The following MACROD2 variants were observed in gnomAD, a reference collection of about 807,000 sequenced individuals.
MACROD2 encodes the protein ADP-ribose glycohydrolase MACROD2.
Under a neutral mutation model 70.4 loss-of-function variants are expected in MACROD2, and 36 were observed. That is an observed-to-expected ratio of 0.51 (90% CI 0.39 to 0.68). The LOEUF is 0.68. MACROD2 is among the 30% of genes least tolerant of loss of function. The pLI, the probability that MACROD2 is intolerant of heterozygous loss-of-function variation, is 0.00. For synonymous variants in MACROD2, 172 were observed against 178.8 expected (o/e 0.96, Z 0.30); for missense variants, 496 against 538.4 (o/e 0.92, Z 0.78).
intron 5 of MACROD2, among the ~76,000 whole-genome samples, chr20:15,144,030 A>G (rs1298044828): frequency 6.6e-6 from 1 of 151,914 alleles, no homozygotes; most frequent in East Asian, 1.9e-4. Context: ...ATTAAAAGCC[A>G]TCCTGGGCCT....
chr20:15,937,484 A>G lies in MACROD2; in HGVS notation c.847A>G (p.Asn283Asp), dbSNP rs769023107. Reference sequence around the variant, plus strand: ...TCTTTTCTGCTTTATAGATGGTGTCAACACTGTCACTGTGCCCGGCCCTGC... The same window carrying G: ...TCTTTTCTGCTTTATAGATGGTGTCGACACTGTCACTGTGCCCGGCCCTGC... ...EEQSQDADGVNTVTVPGPASE... is the reference protein window; with the variant it reads ...EEQSQDADGVDTVTVPGPASE... Residue 283 changes from asparagine to aspartate, a missense_variant, in exon 12 of 18, where the codon AAC becomes GAC. Asn to Asp is a conservative substitution (Grantham distance 23, BLOSUM62 1). Transcript: ENST00000684519. 6.2e-6 allele frequency: 10 copies of G among 1,613,248 alleles called. No individual in the cohort carries two copies. The highest frequency in any genetic ancestry group is 7.6e-6 in the Non-Finnish European group (9 of 1,179,498).
chr20:15,248,758 A>G (rs1193954013), intron 6 of MACROD2, among the ~76,000 whole-genome samples: 2 of 152,082 alleles, frequency 1.3e-5, no homozygotes, highest in African/African-American at 4.8e-5. Flanking sequence ...GAAATCCAGG[A>G]GCTGTTCTAG....
intron 3 of MACROD2, among the ~76,000 whole-genome samples, chr20:14,486,521 TTTA>T (rs1365476533): frequency 7.1e-6 from 1 of 141,756 alleles, no homozygotes; most frequent in African/African-American, 2.6e-5. Flanking sequence ...AACTTTTTAT[TTTA>T]TTTTTTTTTT....
intron 3 of MACROD2, among the ~76,000 whole-genome samples, chr20:14,348,774 A>G (rs1014416346): frequency 1.3e-5 from 2 of 152,206 alleles, no homozygotes; most frequent in African/African-American, 4.8e-5. Context: ...TAAGAAATGA[A>G]CTGACCACTA....
At chr20:14,950,600 G>A (rs190267732) in intron 5 of MACROD2, among the ~76,000 whole-genome samples, 71 of 152,238 alleles carry the variant, frequency 4.7e-4, no homozygotes, top group African/African-American at 1.5e-3. Flanking sequence ...TGTTAGGTTT[G>A]TTGCTTCAGA....
chr20:14,036,147 A>G (rs1487656324), intron 2 of MACROD2, among the ~76,000 whole-genome samples: 2 of 152,200 alleles, frequency 1.3e-5, no homozygotes, highest in Non-Finnish European at 2.9e-5. Context: ...GTCTCAAAAA[A>G]AAAAAAAAGC....
At chr20:14,999,612 G>A (rs895396376) in intron 5 of MACROD2, among the ~76,000 whole-genome samples, 1 of 152,186 alleles carries the variant, frequency 6.6e-6, no homozygotes, top group African/African-American at 2.4e-5. Flanking sequence ...CCCAACCTGG[G>A]TGGCAGACCA....
chr20:15,010,185 C>A (rs545495639), intron 5 of MACROD2, among the ~76,000 whole-genome samples: 4 of 152,228 alleles, frequency 2.6e-5, no homozygotes, highest in Non-Finnish European at 4.4e-5. Context: ...AATTATTTGT[C>A]GGACTAAATA....
intron 9 of MACROD2, among the ~76,000 whole-genome samples, chr20:15,869,232 T>TAGAGAGAGAG (rs1282844011): frequency 2.4e-4 from 8 of 33,106 alleles, no homozygotes; most frequent in South Asian, 3.4e-3. Context: ...TATATATATA[T>TAGAGAGAGAG]ATATATAGAG....
chr20:15,361,665 A>T (rs2078353278), intron 6 of MACROD2, among the ~76,000 whole-genome samples: 1 of 152,158 alleles, frequency 6.6e-6, no homozygotes, highest in African/African-American at 2.4e-5. Context: ...TATCCTTATT[A>T]TGTCGATTCT....
intron 3 of MACROD2, among the ~76,000 whole-genome samples, chr20:14,214,447 T>G (rs988886532): frequency 5.9e-5 from 9 of 152,168 alleles, no homozygotes; most frequent in South Asian, 2.1e-4. Flanking sequence ...TTGTTATGTA[T>G]TGAACACAAT....
At chr20:14,736,344 C>T (rs2071664436) in intron 5 of MACROD2, among the ~76,000 whole-genome samples, 1 of 151,998 alleles carries the variant, frequency 6.6e-6, no homozygotes, top group Non-Finnish European at 1.5e-5. Flanking sequence ...GGAGTGATTG[C>T]TTAATGGGTA....
chr20:14,432,518 G>A (rs2084006147), intron 3 of MACROD2, among the ~76,000 whole-genome samples: 1 of 151,866 alleles, frequency 6.6e-6, no homozygotes, highest in Non-Finnish European at 1.5e-5. Flanking sequence ...GATAGTACGT[G>A]AGGGCTAACT....
At chr20:14,587,233 T>C (rs938657866) in intron 4 of MACROD2, among the ~76,000 whole-genome samples, 6 of 151,910 alleles carry the variant, frequency 3.9e-5, no homozygotes, top group African/African-American at 1.4e-4. Flanking sequence ...TATATAGAAA[T>C]ATCATTAAAT....
intron 3 of MACROD2, among the ~76,000 whole-genome samples, chr20:14,439,172 T>A (rs1271212893): frequency 6.6e-6 from 1 of 152,200 alleles, no homozygotes; most frequent in Non-Finnish European, 1.5e-5. Flanking sequence ...TTTTCCTCTT[T>A]GCGTCCAGTT....
intron 3 of MACROD2, among the ~76,000 whole-genome samples, chr20:14,448,057 G>A (rs41328645): frequency 0.15 from 23,285 of 150,900 alleles, 2,557 homozygotes; most frequent in Non-Finnish European, 0.22. Context: ...AAACATCTGC[G>A]AGGCCAAGAG....
chr20:15,346,974 T>C (rs1283462174), intron 6 of MACROD2, among the ~76,000 whole-genome samples: 1 of 152,148 alleles, frequency 6.6e-6, no homozygotes, highest in Non-Finnish European at 1.5e-5. Context: ...GGTCAGGTGC[T>C]AGAGAGAAAA....
intron 3 of MACROD2, among the ~76,000 whole-genome samples, chr20:14,290,476 G>A (rs146698065): frequency 6.6e-6 from 1 of 151,328 alleles, no homozygotes; most frequent in East Asian, 1.9e-4. Context: ...CAAAAGGGAT[G>A]GAATCTCAGG....
chr20:15,725,042 A>G (rs1357274564), intron 8 of MACROD2, among the ~76,000 whole-genome samples: 2 of 152,062 alleles, frequency 1.3e-5, no homozygotes, highest in Non-Finnish European at 2.9e-5. Flanking sequence ...AGATCACGCC[A>G]CTCCACTCCA....
Sources: gnomAD v4.1 joint callset for allele counts (sites outside exome capture counted in the v4.1 genomes callset) on GRCh38, gnomAD v4.1.1 for gene constraint, MANE v1.5 for transcripts, NCBI Gene and HGNC (gene_info 2026-07-23, HGNC 2026-07-21) for gene names.